CSGALNACT1: variants seen among roughly 807,000 people sequenced by gnomAD.
CSGALNACT1 encodes the protein beta4GalNAcT-1.
A neutral mutation model predicts 51.0 loss-of-function variants in CSGALNACT1; 52 were observed. The ratio of observed to expected loss-of-function variants is 1.02; its 90% CI spans 0.82 to 1.29. CSGALNACT1 has a LOEUF of 1.29. Ranked by LOEUF, CSGALNACT1 falls within the 50% of genes most tolerant of loss-of-function variation. CSGALNACT1 has a pLI of 0.00. For missense variants in CSGALNACT1, 935 were observed against 679.2 expected, an observed-to-expected ratio of 1.38 and a Z score of -4.19; for synonymous variants, 341 against 254.4, an observed-to-expected ratio of 1.34 and a Z score of -3.24.
At chr8:19,566,627 A>C (rs1416249316) in intron 3 of CSGALNACT1, among the ~76,000 whole-genome samples, 1 of 152,232 alleles carries the variant, frequency 6.6e-6, no homozygotes, top group Non-Finnish European at 1.5e-5. Flanking sequence ...AAGTATAATT[A>C]AATATATTCA....
chr8:19,443,612 C>T (rs2061667874), intron 5 of CSGALNACT1, among the ~76,000 whole-genome samples: 1 of 152,188 alleles, frequency 6.6e-6, no homozygotes, highest in African/African-American at 2.4e-5. Context: ...TCTTGTGAGA[C>T]TTATTCACTA....
intron 3 of CSGALNACT1, among the ~76,000 whole-genome samples, chr8:19,548,589 T>C (rs1031984685): frequency 6.6e-6 from 1 of 152,214 alleles, no homozygotes. Context: ...TTGTGAAATA[T>C]GTTAAAATTT....
At chr8:19,612,537 C>T (rs1157560903) in intron 1 of CSGALNACT1, among the ~76,000 whole-genome samples, 1 of 151,970 alleles carries the variant, frequency 6.6e-6, no homozygotes, top group Non-Finnish European at 1.5e-5. Context: ...AGGAGGGTCC[C>T]GCAACCAGTG....
intron 3 of CSGALNACT1, among the ~76,000 whole-genome samples, chr8:19,556,873 G>A (rs1203430969): frequency 1.3e-5 from 2 of 151,552 alleles, no homozygotes; most frequent in African/African-American, 2.4e-5. Context: ...TGAACCCGGT[G>A]TAGACATTTA....
At chr8:19,528,185 C>T (rs1393611864) in intron 3 of CSGALNACT1, among the ~76,000 whole-genome samples, 1 of 151,958 alleles carries the variant, frequency 6.6e-6, no homozygotes, top group Non-Finnish European at 1.5e-5. Flanking sequence ...ATTTTTGCCA[C>T]GTATCCCGGT....
intron 4 of CSGALNACT1, among the ~76,000 whole-genome samples, chr8:19,499,703 G>A (rs2076090922): frequency 6.6e-6 from 1 of 152,158 alleles, no homozygotes; most frequent in African/African-American, 2.4e-5. Flanking sequence ...CCTTTTCCTT[G>A]ACCTCTCCCT....
intron 5 of CSGALNACT1, among the ~76,000 whole-genome samples, chr8:19,453,849 T>C (rs2063607739): frequency 6.6e-6 from 1 of 151,820 alleles, no homozygotes; most frequent in African/African-American, 2.4e-5. Context: ...GAGGCAGAGG[T>C]TGCAGTGAGC....
At chr8:19,550,251 G>C (rs918609283) in intron 3 of CSGALNACT1, among the ~76,000 whole-genome samples, 5 of 152,106 alleles carry the variant, frequency 3.3e-5, no homozygotes, top group Admixed American at 6.5e-5. Flanking sequence ...TTCTCAAACA[G>C]CCAGGACAAC....
intron 1 of CSGALNACT1, among the ~76,000 whole-genome samples, chr8:19,658,059 T>G (rs7003476): frequency 0.84 from 110,496 of 131,696 alleles, 46,484 homozygotes; most frequent in East Asian, 0.98. Context: ...CTCACCCTCC[T>G]TCCAAAAAAA....
intron 4 of CSGALNACT1, among the ~76,000 whole-genome samples, chr8:19,489,188 A>C (rs2073808678): frequency 6.8e-6 from 1 of 147,164 alleles, no homozygotes. Context: ...TGAGAAAATC[A>C]GTATGATTAT....
intron 3 of CSGALNACT1, among the ~76,000 whole-genome samples, chr8:19,529,050 T>C (rs902383474): frequency 3.3e-5 from 5 of 152,168 alleles, no homozygotes; most frequent in East Asian, 1.9e-4. Context: ...AAAATTTGAA[T>C]ATACCTTTAA....
chr8:19,618,815 T>G (rs1213101039), intron 1 of CSGALNACT1, among the ~76,000 whole-genome samples: 2 of 152,078 alleles, frequency 1.3e-5, no homozygotes. Context: ...CATCTCTAAG[T>G]GCCTTCTAAA....
chr8:19,708,587 G>A (rs1453353553), intron 1 of CSGALNACT1, among the ~76,000 whole-genome samples: 3 of 152,156 alleles, frequency 2.0e-5, no homozygotes, highest in Non-Finnish European at 4.4e-5. Context: ...ACATCCTCAA[G>A]GTATGTGTGA....
At chr8:19,559,514 A>T (rs2040224264) in intron 3 of CSGALNACT1, among the ~76,000 whole-genome samples, 1 of 152,214 alleles carries the variant, frequency 6.6e-6, no homozygotes, top group East Asian at 1.9e-4. Context: ...TGGTACAAGG[A>T]TTGGAAAGGA....
intron 6 of CSGALNACT1, among the ~76,000 whole-genome samples, chr8:19,433,366 G>A (rs1038116732): frequency 6.6e-6 from 1 of 152,198 alleles, no homozygotes; most frequent in African/African-American, 2.4e-5. Context: ...TTTTAAGTAG[G>A]AGCATAGCCC....
At chr8:19,440,518 C>A (rs1243552099) in intron 5 of CSGALNACT1, among the ~76,000 whole-genome samples, 2 of 151,452 alleles carry the variant, frequency 1.3e-5, no homozygotes, top group Admixed American at 6.6e-5. Flanking sequence ...AATTCAACAA[C>A]CCTTCATGCT....
intron 2 of CSGALNACT1, among the ~76,000 whole-genome samples, chr8:19,595,760 T>G (rs1368581703): frequency 6.6e-6 from 1 of 152,092 alleles, no homozygotes; most frequent in Non-Finnish European, 1.5e-5. Context: ...ATTCTTTCCT[T>G]TGTCTACCCT....
intron 1 of CSGALNACT1, among the ~76,000 whole-genome samples, chr8:19,718,823 C>T (rs935379940): frequency 3.3e-5 from 5 of 152,200 alleles, no homozygotes; most frequent in Admixed American, 6.5e-5. Flanking sequence ...AGGATCACCA[C>T]GACCGTGAAG....
At chr8:19,678,069 G>A (rs1424827614) in intron 1 of CSGALNACT1, among the ~76,000 whole-genome samples, 1 of 151,924 alleles carries the variant, frequency 6.6e-6, no homozygotes, top group Non-Finnish European at 1.5e-5. Context: ...TCGTGCCACT[G>A]CATTCTAGCC....
Sources: allele counts gnomAD v4.1 joint callset (sites outside exome capture counted in the v4.1 genomes callset), GRCh38; gene constraint gnomAD v4.1.1; transcripts MANE v1.5; gene names NCBI Gene and HGNC (gene_info 2026-07-23, HGNC 2026-07-21).